The following AGPAT3 variants were observed in gnomAD, a reference collection of about 807,000 sequenced individuals.
The protein encoded by AGPAT3 is 1-acylglycerol-3-phosphate O-acyltransferase 3, also known as 1-acyl-sn-glycerol-3-phosphate acyltransferase gamma.
AGPAT3 carries 5 observed loss-of-function variants against 47.3 expected under a neutral mutation model. The ratio of observed to expected loss-of-function variants is 0.11; its 90% confidence interval spans 0.06 to 0.22. The LOEUF is 0.22. Among genes scored for constraint, AGPAT3 ranks in the 10% least tolerant of loss-of-function variants. The pLI is 1.00. For synonymous variants in AGPAT3, 212 were observed against 208.3 expected (o/e 1.02, Z -0.15); for missense variants, 315 against 493.0 (o/e 0.64, Z 3.42).
chr21:43,943,690 C>T (rs895388956), intron 2 of AGPAT3, among the ~76,000 whole-genome samples: 4 of 151,930 alleles, frequency 2.6e-5, no homozygotes, highest in Non-Finnish European at 4.4e-5. Flanking sequence ...GCCTGTGTCA[C>T]GGAGGAAGGG....
At chr21:43,976,862 C>G (rs2089638742) in intron 7 of AGPAT3, among the ~76,000 whole-genome samples, 1 of 152,176 alleles carries the variant, frequency 6.6e-6, no homozygotes, top group Non-Finnish European at 1.5e-5. Flanking sequence ...CGTGGCAGCC[C>G]CTGAATCCCA....
In AGPAT3 at chr21:43,970,606, C is replaced by T; in HGVS notation, c.511-47C>T. On this transcript the variant is annotated intron_variant, in intron 5 of 9. Transcript: ENST00000291572. The surrounding 1 kb of genome is among the most constrained non-coding windows in gnomAD (Gnocchi z 5.8). ...GGCAGGCCTGGCCTGGACATGCACC[C>T]ACCCCAGCTGCTCTGTGGAGTGACC... The T allele has an allele frequency of 1.2e-6, 2 of 1,601,966 alleles. No individual in the cohort carries two copies. Among genetic ancestry groups the T allele is most frequent in the Non-Finnish European group, 1.7e-6 (2 of 1,173,154 alleles).
At chr21:43,936,173 A>G (rs2087440784) in intron 2 of AGPAT3, among the ~76,000 whole-genome samples, 1 of 152,228 alleles carries the variant, frequency 6.6e-6, no homozygotes, top group Non-Finnish European at 1.5e-5. Context: ...CCAGGACCCC[A>G]GCTCTGCAGC....
intron 2 of AGPAT3, among the ~76,000 whole-genome samples, chr21:43,929,973 T>A (rs899280275): frequency 1.1e-4 from 16 of 152,332 alleles, no homozygotes; most frequent in Middle Eastern, 6.8e-3. Flanking sequence ...AGACGCGTTC[T>A]CTGGAGCACC....
intron 5 of AGPAT3, among the ~76,000 whole-genome samples, chr21:43,969,557 C>T (rs746837674): frequency 6.6e-6 from 1 of 152,262 alleles, no homozygotes; most frequent in Admixed American, 6.5e-5. Context: ...CCAGTGAGCC[C>T]TGGCTCTGCC....
intron 2 of AGPAT3, among the ~76,000 whole-genome samples, chr21:43,940,912 G>A (rs971142124): frequency 1.3e-5 from 2 of 152,206 alleles, no homozygotes; most frequent in African/African-American, 4.8e-5. Flanking sequence ...TCAGAGACTC[G>A]GTCCCAACCC....
At position 43,930,937 on chromosome 21, in the gene AGPAT3, C is replaced by T. The variant is rs2087221068; in HGVS notation, c.-49+26918C>T. Reference sequence around the variant, plus strand: ...CGCATTACAGATTGTTTTTATGGCCCCCACTACGTGAGATCCTGGGGCAGG... The same window carrying T: ...CGCATTACAGATTGTTTTTATGGCCTCCACTACGTGAGATCCTGGGGCAGG... On this transcript the variant is annotated intron_variant, in intron 2 of 9. Transcript: ENST00000291572. The surrounding 1 kb of genome is among the most constrained non-coding windows in gnomAD (Gnocchi z 5.0). 6.6e-6 allele frequency among the ~76,000 whole-genome samples: 1 copy of T among 152,138 alleles called. No homozygotes were observed. The highest frequency in any genetic ancestry group is 1.5e-5 in the Non-Finnish European group (1 of 68,032).
intron 2 of AGPAT3, among the ~76,000 whole-genome samples, chr21:43,935,523 C>T (rs1193114874): frequency 6.6e-6 from 1 of 152,262 alleles, no homozygotes; most frequent in Admixed American, 6.5e-5. Context: ...CAGGAGCGGC[C>T]TGCAGGGCGG....
At position 43,933,543 on chromosome 21, in the gene AGPAT3, C is replaced by A. The variant is rs894883161; in HGVS notation, c.-48-26091C>A. 6.6e-6 allele frequency among the ~76,000 whole-genome samples: 1 copy of A among 152,058 alleles called. No individual in the cohort carries two copies. Among genetic ancestry groups the A allele is most frequent in the Non-Finnish European group, 1.5e-5 (1 of 68,032 alleles). On this transcript the variant is annotated intron_variant, in intron 2 of 9. Coordinates refer to ENST00000291572, the MANE Select transcript of AGPAT3 (RefSeq NM_020132.5). This position sits in a 1 kb window ranked among gnomAD's most constrained non-coding sequence, Gnocchi z 6.0. Reference sequence around the variant, plus strand: ...TCCATGCCCAGCATTGTTCTCAGTGCGCCCCGGGGGTCTTTGGTTCTCCAT... The same window carrying A: ...TCCATGCCCAGCATTGTTCTCAGTGAGCCCCGGGGGTCTTTGGTTCTCCAT...
chr21:43,961,034 G>A (rs2088807637), intron 3 of AGPAT3, among the ~76,000 whole-genome samples: 1 of 152,012 alleles, frequency 6.6e-6, no homozygotes, highest in Non-Finnish European at 1.5e-5. Flanking sequence ...CAGCTACTCG[G>A]GAGGCTGAGG....
At chr21:43,878,318 C>T (rs927477020) in intron 1 of AGPAT3, among the ~76,000 whole-genome samples, 11 of 152,202 alleles carry the variant, frequency 7.2e-5, no homozygotes, top group African/African-American at 2.7e-4. Context: ...GAGTTAGATA[C>T]ACACACACAC....
intron 2 of AGPAT3, among the ~76,000 whole-genome samples, chr21:43,944,783 A>G (rs1445129997): frequency 1.3e-5 from 2 of 152,254 alleles, no homozygotes; most frequent in Admixed American, 1.3e-4. Flanking sequence ...GAGGAGGTCA[A>G]TACACCGTGC....
In AGPAT3 at chr21:43,952,896, G is replaced by A. The variant is rs1184085759; in HGVS notation, c.-48-6738G>A. Among the ~76,000 whole-genome samples the A allele has an allele frequency of 1.3e-5, 2 of 152,064 alleles. 1 individual carries two copies. Among genetic ancestry groups the A allele is most frequent in the Non-Finnish European group, 2.9e-5 (2 of 68,000 alleles). ...ACCCTGTGTGGCTCTTCTATCCCAG[G>A]CGTTCTCCAAGGTCCCCAGGGTGCT... On this transcript the variant is annotated intron_variant, in intron 2 of 9. Transcript: ENST00000291572. The surrounding 1 kb of genome is among the most constrained non-coding windows in gnomAD (Gnocchi z 5.6).
At chr21:43,891,141 C>G (rs750559395) in intron 1 of AGPAT3, among the ~76,000 whole-genome samples, 2 of 152,202 alleles carry the variant, frequency 1.3e-5, no homozygotes, top group African/African-American at 4.8e-5. Flanking sequence ...CTCTGTAGCA[C>G]GTGATGTCAT....
chr21:43,986,340 A>C lies in AGPAT3; in HGVS notation c.*3948A>C, dbSNP rs1346261056. 2 of 152,404 alleles carry C rather than the reference A, an allele frequency of 1.3e-5. No homozygotes were observed. The highest frequency in any genetic ancestry group is 2.4e-5 in the African/African-American group (1 of 41,442). 9.4% of individuals were successfully genotyped at this position (152,404 alleles called of 1,614,324 possible). On this transcript the variant is annotated 3_prime_UTR_variant, in exon 10 of 10. Coordinates refer to ENST00000291572, the MANE Select transcript of AGPAT3 (RefSeq NM_020132.5). Reference sequence around the variant, plus strand: ...GGACATTGGTGTCGCCGGCCCAGGCAACAGCAGCGTACGCTTTTCAAAGAT... The same window carrying C: ...GGACATTGGTGTCGCCGGCCCAGGCCACAGCAGCGTACGCTTTTCAAAGAT...
At chr21:43,963,565 C>T (rs2088978474) in intron 3 of AGPAT3, among the ~76,000 whole-genome samples, 1 of 151,978 alleles carries the variant, frequency 6.6e-6, no homozygotes, top group South Asian at 2.1e-4. Flanking sequence ...TAAAAATTAG[C>T]TGGGCCTGGT....
intron 1 of AGPAT3, among the ~76,000 whole-genome samples, chr21:43,885,040 T>A (rs1018818147): frequency 1.3e-5 from 2 of 152,240 alleles, no homozygotes; most frequent in African/African-American, 4.8e-5. Context: ...TTACTAAAGA[T>A]GTGCTTCAAT....
intron 2 of AGPAT3, among the ~76,000 whole-genome samples, chr21:43,945,963 G>A (rs1036610178): frequency 7.9e-5 from 12 of 152,010 alleles, no homozygotes; most frequent in Admixed American, 5.2e-4. Context: ...CAGGAGGGTG[G>A]TGGGCCCTCC....
intron 1 of AGPAT3, among the ~76,000 whole-genome samples, chr21:43,883,766 G>A (rs1423473158): frequency 6.6e-6 from 1 of 152,120 alleles, no homozygotes; most frequent in Non-Finnish European, 1.5e-5. Flanking sequence ...GCTAATTTTT[G>A]TATTTTTAGT....
Sources: allele counts gnomAD v4.1 joint callset (sites outside exome capture counted in the v4.1 genomes callset), GRCh38; gene constraint gnomAD v4.1.1; non-coding constraint Gnocchi (gnomAD v3.1); transcripts MANE v1.5; gene names NCBI Gene and HGNC (gene_info 2026-07-23, HGNC 2026-07-21).